Variants in FOXP4 observed in about 807,000 individuals in gnomAD.
The protein encoded by FOXP4 is forkhead box P4.
FOXP4 carries 25 observed loss-of-function variants against 82.6 expected under a neutral mutation model. The ratio of observed to expected loss-of-function variants is 0.30; its 90% CI spans 0.22 to 0.42. The LOEUF (loss-of-function observed/expected upper bound fraction) is 0.42, where lower values mean the gene tolerates loss of function less well. Among genes scored for constraint, FOXP4 ranks in the 10% least tolerant of loss-of-function variants. The probability of loss-of-function intolerance (pLI) is 1.00; values close to 1 mark genes in which losing one functional copy is unlikely to be tolerated. For synonymous variants in FOXP4, 415 were observed against 388.2 expected (o/e 1.07, Z -0.81); for missense variants, 785 against 900.9 (o/e 0.87, Z 1.65).
chr6:41,585,054 G>C (rs1356733627), intron 4 of FOXP4, among the ~76,000 whole-genome samples, 163 bp downstream of exon 4: 1 of 152,134 alleles, frequency 6.6e-6, no homozygotes, highest in Non-Finnish European at 1.5e-5. Flanking sequence ...GAGGTCAAAG[G>C]TCAGGCATCT....
chr6:41,597,388 GC>G, intron 15 of FOXP4, 146 bp downstream of exon 15: 1 of 810,192 alleles, frequency 1.2e-6, no homozygotes, highest in Non-Finnish European at 2.0e-6. Context: ...CCACCTCTCT[GC>G]CCCACCCCAA....
intron 1 of FOXP4, among the ~76,000 whole-genome samples, chr6:41,559,122 C>T (rs898988545): frequency 6.6e-6 from 1 of 152,202 alleles, no homozygotes; most frequent in Non-Finnish European, 1.5e-5. Flanking sequence ...AGCATAAATG[C>T]CCTTTCCTGG....
chr6:41,573,347 T>G (rs954616647), intron 2 of FOXP4, among the ~76,000 whole-genome samples: 5 of 152,108 alleles, frequency 3.3e-5, no homozygotes, highest in African/African-American at 1.2e-4. Flanking sequence ...GTTTTTCTAT[T>G]CATAGCAGCT....
chr6:41,594,464 G>A (rs1160271491), intron 13 of FOXP4, among the ~76,000 whole-genome samples: 1 of 152,164 alleles, frequency 6.6e-6, no homozygotes, highest in Non-Finnish European at 1.5e-5. Flanking sequence ...AAGCATCCTG[G>A]GCTCGCAGAG....
intron 1 of FOXP4, among the ~76,000 whole-genome samples, chr6:41,548,001 C>G (rs1763756824): frequency 6.6e-6 from 1 of 152,218 alleles, no homozygotes; most frequent in Non-Finnish European, 1.5e-5. Context: ...CAGGCCCAGA[C>G]GGCGGCGGAT....
chr6:41,594,863 C>T lies in FOXP4; in HGVS notation c.1537-7C>T, dbSNP rs1766730835. The T allele has an allele frequency of 1.2e-6, 2 of 1,613,804 alleles. No individual in the cohort carries two copies. Among genetic ancestry groups the T allele is most frequent in the African/African-American group, 2.7e-5 (2 of 74,940 alleles). On this transcript the variant is annotated splice_region_variant and splice_polypyrimidine_tract_variant and intron_variant, in intron 13 of 16. Transcript: ENST00000307972. ...CGCCTCTGAGCTCCTCTTCACTGCACCCACAGAACGCCGTGCGCCACAACC... is the reference window on the plus strand; with the variant it reads ...CGCCTCTGAGCTCCTCTTCACTGCATCCACAGAACGCCGTGCGCCACAACC...
chr6:41,565,361 AAAAC>A (rs747448721), intron 1 of FOXP4, among the ~76,000 whole-genome samples: 185 of 152,198 alleles, frequency 1.2e-3, no homozygotes, highest in Admixed American at 4.5e-3. Context: ...CTGTGTCTCA[AAAAC>A]AAACAAACAA....
chr6:41,570,721 C>G (rs1036348307), intron 2 of FOXP4, among the ~76,000 whole-genome samples: 3 of 152,156 alleles, frequency 2.0e-5, no homozygotes, highest in Non-Finnish European at 4.4e-5. Context: ...CTTTTCCCTG[C>G]TGATTAGAAC....
chr6:41,579,016 G>A lies in FOXP4; in HGVS notation c.300+935G>A, dbSNP rs1013464617. ...GCTGGGTGCTGAGGGAAGTGAAGAGGAGGGTGGGGTGGGTGCAGGGTGCTC... is the reference window on the plus strand; with the variant it reads ...GCTGGGTGCTGAGGGAAGTGAAGAGAAGGGTGGGGTGGGTGCAGGGTGCTC... On this transcript the variant is annotated intron_variant, in intron 3 of 16. Coordinates refer to ENST00000307972, the MANE Select transcript of FOXP4 (RefSeq NM_001012426.2). 2.0e-5 allele frequency among the ~76,000 whole-genome samples: 3 copies of A among 152,146 alleles called. No individual in the cohort carries two copies. In the East Asian group the frequency reaches 5.8e-4, roughly 29 times the overall value.
chr6:41,564,315 A>G (rs1764753180), intron 1 of FOXP4, among the ~76,000 whole-genome samples: 1 of 152,176 alleles, frequency 6.6e-6, no homozygotes, highest in South Asian at 2.1e-4. Flanking sequence ...GCTACTTGGG[A>G]GGCTGAGACA....
At chr6:41,588,102 T>C (rs1292948443) in intron 8 of FOXP4, among the ~76,000 whole-genome samples, 2 of 152,170 alleles carry the variant, frequency 1.3e-5, no homozygotes, top group Admixed American at 6.5e-5. Context: ...TGGGCCTGCA[T>C]TCCCCTGACT....
intron 2 of FOXP4, among the ~76,000 whole-genome samples, chr6:41,572,680 C>G (rs1035858639): frequency 6.6e-6 from 1 of 152,166 alleles, no homozygotes; most frequent in African/African-American, 2.4e-5. Flanking sequence ...CCAGTTTTGC[C>G]AAAACCAGCC....
intron 1 of FOXP4, among the ~76,000 whole-genome samples, chr6:41,564,405 C>A (rs962894999): frequency 2.0e-5 from 3 of 151,960 alleles, no homozygotes; most frequent in Admixed American, 1.3e-4. Context: ...GGTGACAGAG[C>A]GAGACTCTGT....
rs182239230 is a variant in FOXP4, at chr6:41,587,954, C to T, written c.977+57C>T. The T allele has an allele frequency of 8.3e-4, 749 of 901,294 alleles. 2 individuals are homozygous for T. In the African/African-American group the frequency reaches 0.011, roughly 13 times the overall value. The allele number at this position is 901,294 out of a possible 1,614,324, so 55.8% of individuals were successfully genotyped here. ...GCCTTTCCCCACAGGGCCTCTCCCC[C>T]AACCCTGCCCACTAGCTTGCCCCTT... On this transcript the variant is annotated intron_variant, in intron 8 of 16. Coordinates refer to ENST00000307972, the MANE Select transcript of FOXP4 (RefSeq NM_001012426.2).
chr6:41,570,259 C>T (rs1319547094), intron 2 of FOXP4: 3 of 466,606 alleles, frequency 6.4e-6, no homozygotes, highest in South Asian at 4.7e-5. Context: ...ATGAGCCCCT[C>T]CCGTGGAGGA....
intron 14 of FOXP4, among the ~76,000 whole-genome samples, chr6:41,596,453 T>C (rs1435945039): frequency 6.6e-6 from 1 of 152,184 alleles, no homozygotes; most frequent in Non-Finnish European, 1.5e-5. Flanking sequence ...CCCCAGGCAG[T>C]GTGCAGCCTG....
At chr6:41,554,278 G>A (rs11760063) in intron 1 of FOXP4, among the ~76,000 whole-genome samples, 10,931 of 152,248 alleles carry the variant, frequency 0.072, 567 homozygotes, top group Non-Finnish European at 0.11. Context: ...TCCCTGCTGA[G>A]TTTTGTTGAC....
At position 41,590,101 on chromosome 6, in the gene FOXP4, G is replaced by A; in HGVS notation, c.1288G>A (p.Ala430Thr). Reference sequence around the variant, plus strand: ...TCTACGGCCCCCTGGCCTGGGCTCTGCCTCCCTGCATGGTGGGGGCCCAGC... The same window carrying A: ...TCTACGGCCCCCTGGCCTGGGCTCTACCTCCCTGCATGGTGGGGGCCCAGC... ...TPLRPPGLGS[A>T]SLHGGGPARR... is the part of the protein sequence containing the mutation. The change falls in exon 11 of 17, where the codon GCC becomes ACC. Residue 430 changes from alanine to threonine, a missense_variant. Physicochemically the swap from Ala to Thr is moderately conservative, Grantham distance 58. Around this residue, in one of 3 missense-constraint regions of FOXP4, gnomAD observed 570 missense variants for 634.0 expected, o/e 0.90. Coordinates refer to ENST00000307972, the MANE Select transcript of FOXP4 (RefSeq NM_001012426.2). 2 of 1,613,484 alleles carry A rather than the reference G, an allele frequency of 1.2e-6. No individual in the cohort carries two copies. Among genetic ancestry groups the A allele is most frequent in the South Asian group, 1.1e-5 (1 of 91,042 alleles).
Position 41,558,249 on chromosome 6 carries a change from A to G in FOXP4, c.-16-7496A>G, listed in dbSNP as rs1764385767. Among the ~76,000 whole-genome samples, 1 of 152,230 alleles carries G rather than the reference A, an allele frequency of 6.6e-6. No individual in the cohort carries two copies. Among genetic ancestry groups the G allele is most frequent in the Non-Finnish European group, 1.5e-5 (1 of 68,034 alleles). On this transcript the variant is annotated intron_variant, in intron 1 of 16. Transcript: ENST00000307972. This position sits in a 1 kb window ranked among gnomAD's most constrained non-coding sequence, Gnocchi z 4.0. Reference sequence around the variant, plus strand: ...AACTGCTGGCACGATCAGGGAGCCAAGCAGTGCGTGACTCACATCACCCAC... The same window carrying G: ...AACTGCTGGCACGATCAGGGAGCCAGGCAGTGCGTGACTCACATCACCCAC...
Sources: allele counts gnomAD v4.1 joint callset (sites outside exome capture counted in the v4.1 genomes callset), GRCh38; gene constraint gnomAD v4.1.1; regional missense constraint gnomAD v4.1.1; non-coding constraint Gnocchi (gnomAD v3.1); transcripts MANE v1.5; gene names NCBI Gene and HGNC (gene_info 2026-07-23, HGNC 2026-07-21).